Variants in PPME1 observed in about 807,000 individuals in gnomAD.
PPME1 encodes protein phosphatase methylesterase 1.
A neutral mutation model predicts 56.9 loss-of-function variants in PPME1; 17 were observed. That is an observed-to-expected ratio of 0.30 (90% CI 0.20 to 0.45). The LOEUF (loss-of-function observed/expected upper bound fraction) is 0.45, where lower values mean the gene tolerates loss of function less well. PPME1 is among the 20% of genes least tolerant of loss of function. PPME1 has a pLI of 1.00. For synonymous variants in PPME1, 122 were observed against 156.2 expected, an observed-to-expected ratio of 0.78 and a Z score of 1.63; for missense variants, 357 against 483.2, an observed-to-expected ratio of 0.74 and a Z score of 2.45.
intron 3 of PPME1, chr11:74,205,592 G>T (rs1030030429): frequency 2.6e-5 from 4 of 152,170 alleles, no homozygotes; most frequent in African/African-American, 9.7e-5. Flanking sequence ...GGATTATTGG[G>T]GTTAAGTTTA....
chr11:74,190,626 C>T lies in PPME1; in HGVS notation c.102-13102C>T, dbSNP rs371684603. Among the ~76,000 whole-genome samples the T allele has an allele frequency of 5.3e-5, 8 of 152,208 alleles. No individual in the cohort carries two copies. The South Asian group carries it at 8.3e-4, about 16-fold the overall frequency. On this transcript the variant is annotated intron_variant, in intron 1 of 13. Coordinates refer to ENST00000328257, the MANE Select transcript of PPME1 (RefSeq NM_016147.3). ...AATGGACAACACAGAAAATTGATAC[C>T]GAAGAGTAGGATGTTGCTATAAAGA...
At chr11:74,179,089 G>T (rs1036595791) in intron 1 of PPME1, among the ~76,000 whole-genome samples, 4 of 152,140 alleles carry the variant, frequency 2.6e-5, no homozygotes, top group Non-Finnish European at 4.4e-5. Flanking sequence ...AACCACACCG[G>T]AAGACCGAAG....
At chr11:74,197,373 G>C (rs1858013022) in intron 1 of PPME1, among the ~76,000 whole-genome samples, 1 of 152,154 alleles carries the variant, frequency 6.6e-6, no homozygotes, top group Non-Finnish European at 1.5e-5. Context: ...TGCTCTAATG[G>C]ATCTCACATT....
intron 9 of PPME1, among the ~76,000 whole-genome samples, chr11:74,241,415 T>C (rs914663647): frequency 1.3e-5 from 2 of 152,362 alleles, no homozygotes; most frequent in African/African-American, 4.8e-5. Context: ...TTGTTTCCAC[T>C]TTTTGTCTAT....
chr11:74,248,971 CTG>C (rs1006143778), intron 11 of PPME1: 109 of 152,246 alleles, frequency 7.2e-4, no homozygotes, highest in African/African-American at 2.5e-3. Context: ...GTTTCTTCAT[CTG>C]TGAAATGGAG....
chr11:74,184,989 CTTTTTTTTTTTT>C lies in PPME1; in HGVS notation c.101+13484_101+13495del, dbSNP rs559947122. Among the ~76,000 whole-genome samples the C allele has an allele frequency of 1.2e-3, 119 of 95,728 alleles. 1 individual carries two copies. Among genetic ancestry groups the C allele is most frequent in the Admixed American group, 2.2e-3 (18 of 8,106 alleles). 62.8% of individuals were successfully genotyped at this position (95,728 alleles called of 152,430 possible). ...TTTACTGTTTGCTTATGAAGTATGT[CTTTTTTTTTTTT>C]TTTTTTTTTTTTTTTTGAGACAGAG... On this transcript the variant is annotated intron_variant, in intron 1 of 13. Coordinates refer to ENST00000328257, the MANE Select transcript of PPME1 (RefSeq NM_016147.3).
chr11:74,249,481 G>A (rs934934549), intron 11 of PPME1: 6 of 152,208 alleles, frequency 3.9e-5, no homozygotes, highest in African/African-American at 1.4e-4. Flanking sequence ...GTGTATGTGA[G>A]TTCTCTCTGA....
intron 8 of PPME1, among the ~76,000 whole-genome samples, chr11:74,236,726 T>C (rs573098106): frequency 7.1e-4 from 108 of 152,216 alleles, no homozygotes; most frequent in Non-Finnish European, 1.2e-3. Context: ...TTGTTTCATC[T>C]GTGCCCCTAT....
intron 1 of PPME1, among the ~76,000 whole-genome samples, chr11:74,189,113 G>C (rs180957520): frequency 5.8e-4 from 88 of 152,236 alleles, no homozygotes; most frequent in African/African-American, 2.0e-3. Context: ...ACATTGGCCA[G>C]GTGCATTGGC....
At chr11:74,225,153 T>C (rs1858902107) in intron 4 of PPME1, 52 bp from the exon 5 acceptor site, 2 of 1,263,330 alleles carry the variant, frequency 1.6e-6, no homozygotes, top group Non-Finnish European at 2.2e-6. Flanking sequence ...ATACTTCTGC[T>C]TTTATAATTC....
chr11:74,245,777 G>A (rs1859487780), intron 9 of PPME1, among the ~76,000 whole-genome samples: 1 of 152,168 alleles, frequency 6.6e-6, no homozygotes, highest in South Asian at 2.1e-4. Flanking sequence ...CCAAGTATAA[G>A]AAAGGCTTAA....
At chr11:74,234,544 T>C (rs1859145773) in intron 7 of PPME1, among the ~76,000 whole-genome samples, 1 of 151,850 alleles carries the variant, frequency 6.6e-6, no homozygotes, top group Non-Finnish European at 1.5e-5. Flanking sequence ...AGGGAGAGAA[T>C]AACTGTGTCG....
intron 3 of PPME1, among the ~76,000 whole-genome samples, chr11:74,206,816 C>T (rs1423293360): frequency 6.7e-6 from 1 of 150,190 alleles, no homozygotes; most frequent in Non-Finnish European, 1.5e-5. Context: ...GTCTTCCTCC[C>T]TCAGCCTTGC....
intron 9 of PPME1, among the ~76,000 whole-genome samples, chr11:74,245,125 C>T (rs1347749157): frequency 6.6e-6 from 1 of 151,850 alleles, no homozygotes; most frequent in Non-Finnish European, 1.5e-5. Context: ...TGTGAGTTCT[C>T]CAATTTTGTT....
At chr11:74,215,384 C>T (rs573230417) in intron 3 of PPME1, among the ~76,000 whole-genome samples, 9 of 152,132 alleles carry the variant, frequency 5.9e-5, no homozygotes, top group Middle Eastern at 3.4e-3. Context: ...AAGTGGAGTG[C>T]TGAAGTTAAA....
chr11:74,202,218 A>G (rs1858188360), intron 1 of PPME1, among the ~76,000 whole-genome samples: 2 of 152,208 alleles, frequency 1.3e-5, no homozygotes, highest in Admixed American at 1.3e-4. Context: ...CTCTATCTTT[A>G]TATTTATAGT....
intron 1 of PPME1, among the ~76,000 whole-genome samples, chr11:74,189,328 C>T (rs932275240): frequency 1.1e-4 from 17 of 152,120 alleles, no homozygotes; most frequent in African/African-American, 4.1e-4. Flanking sequence ...CTCACTCTGT[C>T]ACCCAGGCTG....
chr11:74,185,681 T>C (rs1857662317), intron 1 of PPME1, among the ~76,000 whole-genome samples: 1 of 151,520 alleles, frequency 6.6e-6, no homozygotes, highest in East Asian at 1.9e-4. Flanking sequence ...TTTCGAGTTG[T>C]AGAAAAAGAA....
intron 3 of PPME1, among the ~76,000 whole-genome samples, chr11:74,217,610 T>A (rs1858688368): frequency 1.3e-5 from 2 of 150,224 alleles, no homozygotes; most frequent in Non-Finnish European, 3.0e-5. Flanking sequence ...TTCTAGGATG[T>A]GAGGATGGTT....
Sources: gnomAD v4.1 joint callset for allele counts (sites outside exome capture counted in the v4.1 genomes callset) on GRCh38, gnomAD v4.1.1 for gene constraint, MANE v1.5 for transcripts, NCBI Gene and HGNC (gene_info 2026-07-23, HGNC 2026-07-21) for gene names.